The following SLAMF9 variants were observed in gnomAD, a reference collection of about 807,000 sequenced individuals.
The protein encoded by SLAMF9 is CD2 family member 10.
SLAMF9 carries 25 observed loss-of-function variants against 30.4 expected under a neutral mutation model. That is an observed-to-expected ratio of 0.82 (90% CI 0.60 to 1.15). The LOEUF (loss-of-function observed/expected upper bound fraction) is 1.15, where lower values mean the gene tolerates loss of function less well. Among genes scored for constraint, SLAMF9 ranks in the 50% most tolerant of loss-of-function variants. The probability of loss-of-function intolerance (pLI) is 0.00; values close to 1 mark genes in which losing one functional copy is unlikely to be tolerated. For synonymous variants in SLAMF9, 129 were observed against 127.2 expected, an observed-to-expected ratio of 1.01 and a Z score of -0.09; for missense variants, 344 against 346.1, an observed-to-expected ratio of 0.99 and a Z score of 0.05.
chr1:159,959,622 G>A, the SLAMF9 span, among the ~76,000 whole-genome samples: 9 of 152,014 alleles, frequency 5.9e-5, no homozygotes, highest in South Asian at 2.1e-4. Context: ...TCTCACTTGC[G>A]GGGCCACATT....
At chr1:159,959,348 CT>C in the SLAMF9 span, among the ~76,000 whole-genome samples, 1 of 152,020 alleles carries the variant, frequency 6.6e-6, no homozygotes, top group Non-Finnish European at 1.5e-5. Context: ...TCCTTTGCAA[CT>C]CCTTCATCAG....
chr1:159,963,118 G>A, the SLAMF9 span, among the ~76,000 whole-genome samples: 135 of 152,270 alleles, frequency 8.9e-4, 2 homozygotes, highest in Non-Finnish European at 9.6e-4. Flanking sequence ...CACAATACCC[G>A]CTTTATAGGG....
the SLAMF9 span, chr1:159,976,960 G>GAAATAA: frequency 9.8e-6 from 1 of 101,804 alleles, no homozygotes. Flanking sequence ...AAGAAAGAAA[G>GAAATAA]AGAAAGAAAG....
At chr1:159,974,681 C>G in the SLAMF9 span, among the ~76,000 whole-genome samples, 1 of 152,224 alleles carries the variant, frequency 6.6e-6, no homozygotes, top group Non-Finnish European at 1.5e-5. Flanking sequence ...CCTGTCTGTT[C>G]TCATCCTAAA....
the SLAMF9 span, chr1:159,976,922 AAG>A: frequency 1.2e-3 from 1 of 806 alleles, no homozygotes; most frequent in African/African-American, 1.6e-3. Flanking sequence ...AAAAGAAAGA[AAG>A]AAAGAAAGAA....
At chr1:159,980,619 G>A in the SLAMF9 span, 2,707 of 152,144 alleles carry the variant, frequency 0.018, 25 homozygotes, top group South Asian at 0.033. Flanking sequence ...TCAGTTCACC[G>A]CAACCTCCGC....
At chr1:159,973,121 G>A in the SLAMF9 span, 6 of 1,529,764 alleles carry the variant, frequency 3.9e-6, no homozygotes, top group South Asian at 1.2e-5. Flanking sequence ...CTGGGTGGGG[G>A]CCCCTGTCCT....
the SLAMF9 span, among the ~76,000 whole-genome samples, chr1:159,974,850 C>T: frequency 1.3e-5 from 2 of 152,186 alleles, no homozygotes; most frequent in Non-Finnish European, 2.9e-5. Context: ...GAAGAGTTCC[C>T]TTCTCATTCC....
the SLAMF9 span, among the ~76,000 whole-genome samples, chr1:159,964,791 T>C: frequency 1.3e-5 from 2 of 152,180 alleles, no homozygotes; most frequent in African/African-American, 2.4e-5. Flanking sequence ...GCCCTCAGTG[T>C]TATTATTATT....
chr1:159,964,101 T>G, the SLAMF9 span, among the ~76,000 whole-genome samples: 1 of 152,148 alleles, frequency 6.6e-6, no homozygotes, highest in Admixed American at 6.6e-5. Flanking sequence ...AACACTGATT[T>G]GGACCCACTG....
the SLAMF9 span, chr1:159,973,158 G>A: frequency 4.6e-5 from 70 of 1,534,142 alleles, no homozygotes; most frequent in Non-Finnish European, 5.7e-5. Context: ...CTTGTGGAAG[G>A]AGAAAAGGAG....
the SLAMF9 span, among the ~76,000 whole-genome samples, chr1:159,970,317 A>G: frequency 6.6e-6 from 1 of 152,206 alleles, no homozygotes; most frequent in African/African-American, 2.4e-5. Flanking sequence ...GTTGCAATCA[A>G]TGACCGTGGC....
chr1:159,954,258 A>T, upstream of SLAMF9: 3 of 1,174,496 alleles, frequency 2.6e-6, no homozygotes, highest in Non-Finnish European at 3.6e-6. Flanking sequence ...AGAAAAGGGA[A>T]ATAATTTTCC....
chr1:159,976,344 GA>G, the SLAMF9 span, among the ~76,000 whole-genome samples: 2 of 152,056 alleles, frequency 1.3e-5, no homozygotes, highest in Non-Finnish European at 2.9e-5. Context: ...AAGTGTTAGT[GA>G]AAAACACTAA....
the SLAMF9 span, among the ~76,000 whole-genome samples, chr1:159,975,312 A>G: frequency 2.0e-5 from 3 of 152,322 alleles, no homozygotes; most frequent in East Asian, 1.9e-4. Context: ...GCTTAGTTCT[A>G]CCTGGGGAGG....
the SLAMF9 span, among the ~76,000 whole-genome samples, chr1:159,982,223 A>G: frequency 3.3e-5 from 5 of 152,180 alleles, no homozygotes; most frequent in East Asian, 3.8e-4. Context: ...TTAGAAGCTT[A>G]TGTCTCTTGA....
upstream of SLAMF9, among the ~76,000 whole-genome samples, chr1:159,959,005 C>T (rs1651985419): frequency 6.6e-6 from 1 of 152,104 alleles, no homozygotes; most frequent in Admixed American, 6.5e-5. Context: ...CTTACCCTGG[C>T]TTAGGTCTTC....
upstream of SLAMF9, among the ~76,000 whole-genome samples, chr1:159,959,229 T>C (rs1651990060): frequency 6.6e-6 from 1 of 152,172 alleles, no homozygotes; most frequent in Non-Finnish European, 1.5e-5. Context: ...ATGGCTAAGA[T>C]GAACTATTTT....
At chr1:159,958,966 C>T (rs149631929), upstream of SLAMF9, among the ~76,000 whole-genome samples, 199 of 152,272 alleles carry the variant, frequency 1.3e-3, no homozygotes, top group Middle Eastern at 6.8e-3. Flanking sequence ...TTCAAAATTC[C>T]AAACTTACCT....
Sources: allele counts gnomAD v4.1 joint callset (sites outside exome capture counted in the v4.1 genomes callset), GRCh38; gene constraint gnomAD v4.1.1; transcripts MANE v1.5; gene names NCBI Gene and HGNC (gene_info 2026-07-23, HGNC 2026-07-21).